The following USP40 variants were observed in gnomAD, a reference collection of about 807,000 sequenced individuals.
The protein encoded by USP40 is ubiquitin carboxyl-terminal hydrolase 40.
USP40 carries 143 observed loss-of-function variants against 166.2 expected under a neutral mutation model. The observed-to-expected ratio is 0.86, with a 90% CI of 0.75 to 0.99. The LOEUF is 0.99. USP40 is among the 50% of genes least tolerant of loss of function. The pLI is 0.00. For missense variants in USP40, 1,444 were observed against 1,479.7 expected (o/e 0.98, Z 0.40); for synonymous variants, 498 against 524.0 (o/e 0.95, Z 0.68).
At position 233,480,423 on chromosome 2, in the gene USP40, C is replaced by A. The variant is rs1169686361; in HGVS notation, c.3599+780G>T. Among the ~76,000 whole-genome samples the A allele has an allele frequency of 1.3e-5, 2 of 152,196 alleles. No individual in the cohort carries two copies. The highest frequency in any genetic ancestry group is 2.9e-5 in the Non-Finnish European group (2 of 68,032). ...TGGTGAGGCCTGCATGGAGCTGATG[C>A]CACGGGCAGGTCCTGGGACTTGTGG... On this transcript the variant is annotated intron_variant, in intron 31 of 31. Transcript: ENST00000678225. The surrounding 1 kb of genome is among the most constrained non-coding windows in gnomAD (Gnocchi z 4.5).
chr2:233,476,190 A>C lies in USP40; in HGVS notation c.*1202T>G, dbSNP rs1336968600. 1.3e-5 allele frequency: 2 copies of C among 152,330 alleles called. No homozygotes were observed. The highest frequency in any genetic ancestry group is 1.3e-4 in the Admixed American group (2 of 15,272). 9.4% of individuals were successfully genotyped at this position (152,330 alleles called of 1,614,324 possible). A position where few individuals can be genotyped will look rare whatever the true frequency, so the allele number is the denominator to read the frequency against. ...GTTGGAAAAGGGTCACAGGCAGGGG[A>C]GCGCCTGACTCCAGCGGTGTCCTTT... On this transcript the variant is annotated 3_prime_UTR_variant, in exon 32 of 32. Coordinates refer to ENST00000678225, the MANE Select transcript of USP40 (RefSeq NM_001365479.2).
intron 31 of USP40, among the ~76,000 whole-genome samples, chr2:233,479,749 G>A (rs557140330): frequency 7.2e-5 from 11 of 151,992 alleles, no homozygotes; most frequent in South Asian, 2.1e-4. Context: ...AGGACCTGAG[G>A]GCTGCAGAGC....
At chr2:233,502,273 C>A (rs929254643) in intron 21 of USP40, among the ~76,000 whole-genome samples, 1 of 152,052 alleles carries the variant, frequency 6.6e-6, no homozygotes, top group East Asian at 1.9e-4. Context: ...GGGAAAATAC[C>A]TGCAGAAAAT....
At chr2:233,477,546 G>A (rs2064249307) in intron 31 of USP40, 43 bp from the exon 32 acceptor site, 2 of 1,544,782 alleles carry the variant, frequency 1.3e-6, no homozygotes, top group Non-Finnish European at 1.8e-6. Flanking sequence ...GGATGCAGTG[G>A]GTGTCAGGGT....
rs1169373572 is a variant in USP40, at chr2:233,565,577, A to T, written c.-19-4T>A. 2 of 1,524,140 alleles carry T rather than the reference A, an allele frequency of 1.3e-6. No homozygotes were observed. The highest frequency in any genetic ancestry group is 2.9e-5 in the African/African-American group (2 of 68,888). The allele number at this position is 1,524,140 out of a possible 1,614,324, so 94.4% of individuals were successfully genotyped here. A position where few individuals can be genotyped will look rare whatever the true frequency, so the allele number is the denominator to read the frequency against. ...CATTGTGAAACTAAATACTACCCTT[A>T]AAAAAAGTGACATATAAATGCTTTT... On this transcript the variant is annotated splice_polypyrimidine_tract_variant and splice_region_variant and intron_variant, in intron 1 of 31. Transcript: ENST00000678225.
At chr2:233,548,403 T>C (rs768874065) in intron 8 of USP40, among the ~76,000 whole-genome samples, 1 of 152,194 alleles carries the variant, frequency 6.6e-6, no homozygotes, top group Non-Finnish European at 1.5e-5. Context: ...AAAATTAATA[T>C]TGTGTGTTAT....
chr2:233,496,450 G>A (rs2065756362), intron 24 of USP40, among the ~76,000 whole-genome samples: 1 of 152,126 alleles, frequency 6.6e-6, no homozygotes, highest in South Asian at 2.1e-4. Context: ...CCAACAATGA[G>A]GATATAGATC....
intron 10 of USP40, among the ~76,000 whole-genome samples, chr2:233,540,054 G>A (rs1482518920): frequency 2.0e-5 from 3 of 151,346 alleles, no homozygotes; most frequent in Non-Finnish European, 2.9e-5. Context: ...GAGCCTGGGA[G>A]GTGGAGGTTG....
Position 233,493,621 on chromosome 2 carries a change from G to A in USP40, c.2791-70C>T. 1 of 1,471,498 alleles carries A rather than the reference G, an allele frequency of 6.8e-7. No individual in the cohort carries two copies. Among genetic ancestry groups the A allele is most frequent in the Non-Finnish European group, 9.1e-7 (1 of 1,099,644 alleles). The allele number at this position is 1,471,498 out of a possible 1,614,324, so 91.2% of individuals were successfully genotyped here. A position where few individuals can be genotyped will look rare whatever the true frequency, so the allele number is the denominator to read the frequency against. On this transcript the variant is annotated intron_variant, in intron 24 of 31. Transcript: ENST00000678225. This position sits in a 1 kb window ranked among gnomAD's most constrained non-coding sequence, Gnocchi z 4.7. ...GTGAAACTCTACTTTTACTTCCATAGAAAGAAACACCTTGATGACCTAAGA... is the reference window on the plus strand; with the variant it reads ...GTGAAACTCTACTTTTACTTCCATAAAAAGAAACACCTTGATGACCTAAGA...
intron 11 of USP40, among the ~76,000 whole-genome samples, chr2:233,532,216 C>A (rs921042737): frequency 6.6e-6 from 1 of 152,194 alleles, no homozygotes; most frequent in Non-Finnish European, 1.5e-5. Context: ...TTCACTCCAG[C>A]CTCTGAATGG....
At position 233,558,598 on chromosome 2, in the gene USP40, G is replaced by A. The variant is rs771584772; in HGVS notation, c.381+1213C>T. ...AGAAAGGAGGTCAGTGGTTGCCAGC[G>A]GCTGAGTTGAGGGGGATGGAAAGTT... On this transcript the variant is annotated intron_variant, in intron 4 of 31. Transcript: ENST00000678225. Among the ~76,000 whole-genome samples, 29 of 152,158 alleles carry A rather than the reference G, an allele frequency of 1.9e-4. 1 individual carries two copies. The highest frequency in any genetic ancestry group is 2.1e-4 in the Non-Finnish European group (14 of 68,028).
At chr2:233,562,663 T>C in intron 3 of USP40, 73 bp downstream of exon 3, 1 of 1,141,860 alleles carries the variant, frequency 8.8e-7, no homozygotes, top group Non-Finnish European at 1.2e-6. Context: ...CATGTATACA[T>C]ATGTAACTAA....
intron 15 of USP40, 125 bp downstream of exon 15, chr2:233,524,367 T>C: frequency 3.0e-6 from 2 of 657,750 alleles, no homozygotes; most frequent in Non-Finnish European, 2.4e-6. Context: ...TGACCTCAGG[T>C]GATCTGCCTG....
chr2:233,524,952 A>C (rs1386845313), intron 14 of USP40, among the ~76,000 whole-genome samples: 1 of 152,238 alleles, frequency 6.6e-6, no homozygotes, highest in East Asian at 1.9e-4. Context: ...GAATTTTATG[A>C]AAATCAAGTG....
rs775371421 is a variant in USP40 at position 233,523,450 on chromosome 2, G to A, written c.1921C>T (p.Pro641Ser). ...AGATGAAGAACATTTAAAAGTAGAG[G>A]TTCGCAGTCAATACCAGTTTGAATG... ...VHIQTGIDCEPLLLNVLHLDT... is the reference protein window; with the variant it reads ...VHIQTGIDCESLLLNVLHLDT... Residue 641 changes from proline (P) to serine (S), a missense_variant, in exon 16 of 32, where the codon CCT (proline) becomes TCT (serine). By Grantham distance (74) the Pro-to-Ser change is moderately conservative. Coordinates refer to ENST00000678225, the MANE Select transcript of USP40 (RefSeq NM_001365479.2). 6.2e-7 allele frequency: 1 copy of A among 1,613,914 alleles called. No individual in the cohort carries two copies. Among genetic ancestry groups the A allele is most frequent in the Non-Finnish European group, 8.5e-7 (1 of 1,179,856 alleles).
At chr2:233,519,747 C>A in intron 17 of USP40, 76 bp from the exon 18 acceptor site, 1 of 788,586 alleles carries the variant, frequency 1.3e-6, no homozygotes, top group Non-Finnish European at 1.9e-6. Flanking sequence ...TCACTGTGTG[C>A]ATAAACAAAT....
chr2:233,525,249 G>GA lies in USP40; in HGVS notation c.1810+228dup, dbSNP rs543102247. Among the ~76,000 whole-genome samples the GA allele has an allele frequency of 5.9e-4, 90 of 152,160 alleles. 1 individual carries two copies. The highest frequency in any genetic ancestry group is 2.1e-3 in the African/African-American group (86 of 41,514). On this transcript the variant is annotated intron_variant, in intron 14 of 31. Transcript: ENST00000678225. ...TTTAGTAGAGGTAGCCTTAATTTCA[G>GA]AAAAAATAAAATGTTTCCATGTTAG... is the stretch of plus-strand genomic sequence containing the variant.
At chr2:233,555,120 G>A (rs1293026070) in intron 5 of USP40, among the ~76,000 whole-genome samples, 1 of 152,092 alleles carries the variant, frequency 6.6e-6, no homozygotes, top group Non-Finnish European at 1.5e-5. Context: ...TTGAACCTGG[G>A]AGGCGGAGGT....
intron 18 of USP40, among the ~76,000 whole-genome samples, chr2:233,516,943 T>A (rs1357543796): frequency 6.6e-6 from 1 of 152,110 alleles, no homozygotes; most frequent in Non-Finnish European, 1.5e-5. Flanking sequence ...TTCTTAAATA[T>A]CTCACAGCAG....
Sources: gnomAD v4.1 joint callset for allele counts (sites outside exome capture counted in the v4.1 genomes callset) on GRCh38, gnomAD v4.1.1 for gene constraint, Gnocchi (gnomAD v3.1) non-coding constraint, MANE v1.5 for transcripts, NCBI Gene and HGNC (gene_info 2026-07-23, HGNC 2026-07-21) for gene names.